CRPPA: variants seen among roughly 807,000 people sequenced by gnomAD.
The protein encoded by CRPPA is D-ribitol-5-phosphate cytidylyltransferase.
A neutral mutation model predicts 52.0 loss-of-function variants in CRPPA; 43 were observed. The observed-to-expected ratio is 0.83, with a 90% CI of 0.65 to 1.07. CRPPA has a LOEUF of 1.07. CRPPA is among the 50% of genes least tolerant of loss of function. The pLI is 0.00. For synonymous variants in CRPPA, 250 were observed against 203.5 expected (o/e 1.23, Z -1.94); for missense variants, 629 against 551.7 (o/e 1.14, Z -1.40).
chr7:16,147,775 A>T (rs1783002138), intron 9 of CRPPA, among the ~76,000 whole-genome samples: 2 of 152,178 alleles, frequency 1.3e-5, no homozygotes, highest in Non-Finnish European at 2.9e-5. Context: ...CAGGTATCCC[A>T]AGCATTCTAC....
chr7:16,293,435 T>A (rs1267532140), intron 5 of CRPPA, among the ~76,000 whole-genome samples: 1 of 151,978 alleles, frequency 6.6e-6, no homozygotes. Context: ...CTGTCTCACA[T>A]GAAAGAATTT....
chr7:16,170,842 G>T (rs1388452596), intron 9 of CRPPA, among the ~76,000 whole-genome samples: 1 of 152,232 alleles, frequency 6.6e-6, no homozygotes, highest in African/African-American at 2.4e-5. Context: ...CCCTCATTGC[G>T]CAGCGCCGGC....
At chr7:16,149,690 T>C (rs1235834525) in intron 9 of CRPPA, among the ~76,000 whole-genome samples, 1 of 152,140 alleles carries the variant, frequency 6.6e-6, no homozygotes, top group Non-Finnish European at 1.5e-5. Context: ...TCTATATAAT[T>C]GATAAAAACT....
At chr7:16,200,567 C>T (rs1284545127) in intron 9 of CRPPA, among the ~76,000 whole-genome samples, 1 of 152,082 alleles carries the variant, frequency 6.6e-6, no homozygotes, top group Non-Finnish European at 1.5e-5. Context: ...TATGTTGCTG[C>T]CTAATTTGAT....
At chr7:16,332,329 C>A (rs925638156) in intron 3 of CRPPA, among the ~76,000 whole-genome samples, 8 of 152,076 alleles carry the variant, frequency 5.3e-5, no homozygotes, top group African/African-American at 1.7e-4. Context: ...GGAAATGATA[C>A]AGGTCAGAGA....
At chr7:16,320,445 C>CA (rs911959163) in intron 3 of CRPPA, among the ~76,000 whole-genome samples, 4 of 151,718 alleles carry the variant, frequency 2.6e-5, no homozygotes, top group East Asian at 1.9e-4. Flanking sequence ...GGTTTTATAA[C>CA]AAAAAAAAGT....
At chr7:16,349,690 C>T (rs376684517) in intron 3 of CRPPA, among the ~76,000 whole-genome samples, 1 of 150,258 alleles carries the variant, frequency 6.7e-6, no homozygotes, top group African/African-American at 2.4e-5. Context: ...ACTCAAAGAT[C>T]ACCAGAAATC....
chr7:16,344,771 G>T (rs1262274607), intron 3 of CRPPA, among the ~76,000 whole-genome samples: 1 of 151,530 alleles, frequency 6.6e-6, no homozygotes, highest in East Asian at 1.9e-4. Flanking sequence ...TCAAAAGAAA[G>T]AATTGGCACA....
chr7:16,198,809 C>T (rs1041465092), intron 9 of CRPPA, among the ~76,000 whole-genome samples: 22 of 151,582 alleles, frequency 1.5e-4, no homozygotes, highest in Non-Finnish European at 2.4e-4. Flanking sequence ...CTGCCTCTGC[C>T]TCTGCCTCTG....
intron 2 of CRPPA, among the ~76,000 whole-genome samples, chr7:16,395,950 C>G (rs189971346): frequency 6.6e-6 from 1 of 152,154 alleles, no homozygotes; most frequent in African/African-American, 2.4e-5. Context: ...AAAAATAGAT[C>G]AAGTTCCACC....
intron 9 of CRPPA, chr7:16,209,158 C>A: frequency 2.8e-6 from 1 of 351,662 alleles, no homozygotes. Context: ...AGGCTTAGTG[C>A]ATTAAGCCCA....
intron 1 of CRPPA, among the ~76,000 whole-genome samples, chr7:16,419,160 T>G (rs1788268602): frequency 6.6e-6 from 1 of 152,228 alleles, no homozygotes; most frequent in Admixed American, 6.5e-5. Context: ...ATTTTGAGTT[T>G]CAGATGTAAT....
intron 9 of CRPPA, among the ~76,000 whole-genome samples, chr7:16,173,753 T>C (rs1017350499): frequency 1.3e-5 from 2 of 152,156 alleles, no homozygotes; most frequent in African/African-American, 4.8e-5. Context: ...ACAAGCCTTT[T>C]AAAAGGCATA....
intron 8 of CRPPA, among the ~76,000 whole-genome samples, chr7:16,256,409 C>T (rs1489850899): frequency 2.0e-5 from 3 of 152,214 alleles, no homozygotes; most frequent in Non-Finnish European, 4.4e-5. Context: ...AATCCCATTA[C>T]TGGGTATACA....
intron 1 of CRPPA, among the ~76,000 whole-genome samples, chr7:16,407,828 C>T (rs1167934381): frequency 6.6e-6 from 1 of 152,040 alleles, no homozygotes; most frequent in African/African-American, 2.4e-5. Context: ...CAGCATCGGC[C>T]GGGCATGGTG....
At chr7:16,133,989 T>C (rs1782720635) in intron 9 of CRPPA, among the ~76,000 whole-genome samples, 1 of 124,206 alleles carries the variant, frequency 8.1e-6, no homozygotes. Flanking sequence ...TGGAGTGCAG[T>C]GGCGCAATCT....
At chr7:16,336,038 A>T (rs1785671249) in intron 3 of CRPPA, among the ~76,000 whole-genome samples, 1 of 152,198 alleles carries the variant, frequency 6.6e-6, no homozygotes, top group African/African-American at 2.4e-5. Flanking sequence ...GAACTGAAAG[A>T]TAATTAAAAA....
chr7:16,365,026 A>C (rs1786555672), intron 3 of CRPPA, among the ~76,000 whole-genome samples: 1 of 152,234 alleles, frequency 6.6e-6, no homozygotes, highest in South Asian at 2.1e-4. Flanking sequence ...CCTGCCTCAG[A>C]TTCCCTTGGT....
intron 9 of CRPPA, among the ~76,000 whole-genome samples, chr7:16,127,696 A>G (rs1293172104): frequency 6.6e-6 from 1 of 152,160 alleles, no homozygotes; most frequent in Non-Finnish European, 1.5e-5. Flanking sequence ...TGTCAGGTAA[A>G]GCATGGATAT....
Sources: allele counts gnomAD v4.1 joint callset (sites outside exome capture counted in the v4.1 genomes callset), GRCh38; gene constraint gnomAD v4.1.1; transcripts MANE v1.5; gene names NCBI Gene and HGNC (gene_info 2026-07-23, HGNC 2026-07-21).